HDAC4: variants seen among roughly 807,000 people sequenced by gnomAD.
HDAC4 encodes the protein histone deacetylase 4.
Under a neutral mutation model 135.1 loss-of-function variants are expected in HDAC4, and 16 were observed. The observed-to-expected ratio is 0.12, with a 90% confidence interval of 0.08 to 0.18. The LOEUF is 0.18. Among genes scored for constraint, HDAC4 ranks in the 10% least tolerant of loss-of-function variants. The probability of loss-of-function intolerance (pLI) is 1.00; values close to 1 mark genes in which losing one functional copy is unlikely to be tolerated. For missense variants in HDAC4, 1,143 were observed against 1,511.8 expected (o/e 0.76, Z 4.05); for synonymous variants, 685 against 653.4 (o/e 1.05, Z -0.74).
At chr2:239,250,451 C>CCA (rs768111351) in intron 2 of HDAC4, among the ~76,000 whole-genome samples, 1 of 152,246 alleles carries the variant, frequency 6.6e-6, no homozygotes, top group Non-Finnish European at 1.5e-5. Flanking sequence ...GGGCCCCGCA[C>CCA]GGCCCAGCTC....
chr2:239,261,675 G>A (rs2049375763), intron 2 of HDAC4, among the ~76,000 whole-genome samples: 1 of 152,230 alleles, frequency 6.6e-6, no homozygotes, highest in South Asian at 2.1e-4. Flanking sequence ...TCTCCCTGCT[G>A]AAGAAAAGCA....
intron 1 of HDAC4, among the ~76,000 whole-genome samples, chr2:239,376,064 A>G (rs541492863): frequency 5.9e-5 from 9 of 152,240 alleles, no homozygotes; most frequent in African/African-American, 2.2e-4. Flanking sequence ...ATGATGTTCC[A>G]CCATCCAAAC....
intron 12 of HDAC4, among the ~76,000 whole-genome samples, chr2:239,117,551 G>A (rs2039246764): frequency 1.5e-5 from 2 of 133,834 alleles, no homozygotes; most frequent in Non-Finnish European, 3.1e-5. Flanking sequence ...GGGAGAGAGG[G>A]ATGCGGGAAG....
intron 2 of HDAC4, among the ~76,000 whole-genome samples, chr2:239,296,179 G>A (rs2051878495): frequency 6.6e-6 from 1 of 152,204 alleles, no homozygotes. Flanking sequence ...CACTCTGCTT[G>A]TTCAATCAGA....
chr2:239,182,643 C>T (rs2044225978), intron 4 of HDAC4, among the ~76,000 whole-genome samples: 1 of 152,102 alleles, frequency 6.6e-6, no homozygotes. Context: ...AGATTTATAA[C>T]AGATTATCTG....
chr2:239,297,089 T>C (rs535670155), intron 2 of HDAC4, among the ~76,000 whole-genome samples: 17 of 151,066 alleles, frequency 1.1e-4, no homozygotes, highest in African/African-American at 3.6e-4. Context: ...GGCTGGCCTA[T>C]GCATCCTTGG....
rs1388538260 is a variant in HDAC4 at position 239,189,856 on chromosome 2, C to A, written c.316G>T (p.Ala106Ser). 1 of 1,608,682 alleles carries A rather than the reference C, an allele frequency of 6.2e-7. No homozygotes were observed. Among genetic ancestry groups the A allele is most frequent in the Admixed American group, 1.7e-5 (1 of 59,958 alleles). ...QHEQLSRQHE[A>S]QLHEHIKQQQ... Reference sequence around the variant, plus strand: ...ACCTTGATGTGCTCGTGGAGCTGCGCCTCGTGCTGCCGGGAGAGCTGCTCG... The same window carrying A: ...ACCTTGATGTGCTCGTGGAGCTGCGACTCGTGCTGCCGGGAGAGCTGCTCG... The change falls in exon 4 of 27, where the codon GCG becomes TCG. Residue 106 changes from alanine (A) to serine (S), a missense_variant. By Grantham distance (99) the Ala-to-Ser change is moderately conservative (BLOSUM62 1). This residue lies in a region of HDAC4 where 247 missense variants were observed against 310.0 expected (regional missense o/e 0.80). Transcript: ENST00000543185.
At chr2:239,168,038 G>A (rs934286663) in intron 5 of HDAC4, among the ~76,000 whole-genome samples, 14 of 152,240 alleles carry the variant, frequency 9.2e-5, no homozygotes, top group Non-Finnish European at 1.8e-4. Context: ...CCTGGGCCTG[G>A]CGAGTCCAGA....
chr2:239,073,254 C>A (rs1045003583), intron 22 of HDAC4, among the ~76,000 whole-genome samples: 3 of 152,216 alleles, frequency 2.0e-5, no homozygotes, highest in African/African-American at 7.2e-5. Context: ...CACACAATTT[C>A]CCCTAGACCT....
At chr2:239,171,986 A>G (rs1454996162) in intron 5 of HDAC4, among the ~76,000 whole-genome samples, 3 of 152,200 alleles carry the variant, frequency 2.0e-5, no homozygotes, top group Non-Finnish European at 4.4e-5. Flanking sequence ...GTAAACAAAG[A>G]ATATCACAGA....
At chr2:239,394,985 A>C (rs1157111029) in intron 1 of HDAC4, among the ~76,000 whole-genome samples, 2 of 152,226 alleles carry the variant, frequency 1.3e-5, no homozygotes, top group African/African-American at 2.4e-5. Context: ...GGATGCTGTT[A>C]GAAAGGAGGA....
intron 2 of HDAC4, among the ~76,000 whole-genome samples, chr2:239,267,248 T>C (rs2049789835): frequency 6.6e-6 from 1 of 152,184 alleles, no homozygotes; most frequent in Non-Finnish European, 1.5e-5. Flanking sequence ...CCACTGCACC[T>C]ATAATTACAC....
chr2:239,117,705 A>G (rs3791426), intron 12 of HDAC4, among the ~76,000 whole-genome samples: 70,509 of 151,886 alleles, frequency 0.46, 16,838 homozygotes, highest in South Asian at 0.68. Context: ...ACGTCCCACA[A>G]TCCCAAAGTC....
At chr2:239,102,552 C>T (rs377697370) in intron 16 of HDAC4, 6 of 561,214 alleles carry the variant, frequency 1.1e-5, no homozygotes, top group South Asian at 4.0e-5. Context: ...TCTAAACCAA[C>T]GGTTCTCAGC....
chr2:239,196,709 G>C (rs2045407341), intron 3 of HDAC4, among the ~76,000 whole-genome samples: 2 of 152,178 alleles, frequency 1.3e-5, no homozygotes, highest in South Asian at 2.1e-4. Context: ...GGTGTGGTCT[G>C]GGGGGTGAGC....
At chr2:239,277,233 G>A (rs2050422605) in intron 2 of HDAC4, among the ~76,000 whole-genome samples, 1 of 152,240 alleles carries the variant, frequency 6.6e-6, no homozygotes, top group Admixed American at 6.5e-5. Context: ...CCAGAGCCGA[G>A]CCCGGTGAGC....
intron 3 of HDAC4, chr2:239,190,988 GCACT>G (rs2044907444): frequency 2.1e-6 from 1 of 465,618 alleles, no homozygotes; most frequent in Non-Finnish European, 4.4e-6. Flanking sequence ...CTCTGAGCCA[GCACT>G]GCTCCTGGCA....
chr2:239,081,493 T>A lies in HDAC4; in HGVS notation c.2653-301A>T, dbSNP rs147567799. ...TCTGCGGACCCGCCGCCCTGTGTTGTGTGCCGTGTGTTACATCAGGGAATC... is the reference window on the plus strand; with the variant it reads ...TCTGCGGACCCGCCGCCCTGTGTTGAGTGCCGTGTGTTACATCAGGGAATC... On this transcript the variant is annotated intron_variant, in intron 21 of 26. Transcript: ENST00000543185. Among the ~76,000 whole-genome samples the A allele has an allele frequency of 2.6e-5, 4 of 152,386 alleles. No individual in the cohort carries two copies. The East Asian group carries it at 7.7e-4, about 29-fold the overall frequency.
chr2:239,307,335 G>C lies in HDAC4; in HGVS notation c.22+45343C>G, dbSNP rs2052651678. 1.3e-5 allele frequency among the ~76,000 whole-genome samples: 2 copies of C among 152,274 alleles called. No homozygotes were observed. The highest frequency in any genetic ancestry group is 1.3e-4 in the Admixed American group (2 of 15,306). On this transcript the variant is annotated intron_variant, in intron 2 of 26. Coordinates refer to ENST00000543185, the MANE Select transcript of HDAC4 (RefSeq NM_001378414.1). The surrounding 1 kb of genome is among the most constrained non-coding windows in gnomAD (Gnocchi z 4.8). Reference sequence around the variant, plus strand: ...GTTCTGTTTAGAAGCAGAGAGCCGAGGAGCCGGAGGCCCCAACACAAGAGC... The same window carrying C: ...GTTCTGTTTAGAAGCAGAGAGCCGACGAGCCGGAGGCCCCAACACAAGAGC...
Sources: allele counts gnomAD v4.1 joint callset (sites outside exome capture counted in the v4.1 genomes callset), GRCh38; gene constraint gnomAD v4.1.1; regional missense constraint gnomAD v4.1.1; non-coding constraint Gnocchi (gnomAD v3.1); transcripts MANE v1.5; gene names NCBI Gene and HGNC (gene_info 2026-07-23, HGNC 2026-07-21).